The following FGGY variants were observed in gnomAD, a reference collection of about 807,000 sequenced individuals.
FGGY encodes the protein FGGY carbohydrate kinase domain-containing protein.
A neutral mutation model predicts 71.3 loss-of-function variants in FGGY; 72 were observed. The observed-to-expected ratio is 1.01, with a 90% CI of 0.84 to 1.23. The LOEUF is 1.23. Ranked by LOEUF, FGGY falls within the 50% of genes most tolerant of loss-of-function variation. FGGY has a pLI of 0.00. For synonymous variants in FGGY, 251 were observed against 250.3 expected (o/e 1.00, Z -0.02); for missense variants, 668 against 682.3 (o/e 0.98, Z 0.23).
Position 59,371,415 on chromosome 1 carries a change from T to G in FGGY, c.466-7334T>G, listed in dbSNP as rs555583663. On this transcript the variant is annotated intron_variant, in intron 4 of 15. Coordinates refer to ENST00000303721, the MANE Select transcript of FGGY (RefSeq NM_018291.5). ...CACCCAGATTCATAAAGCAAGTCCTTAGAGAACTACAAAGAGACTTAGACT... is the reference window on the plus strand; with the variant it reads ...CACCCAGATTCATAAAGCAAGTCCTGAGAGAACTACAAAGAGACTTAGACT... Among the ~76,000 whole-genome samples, 1,168 of 151,640 alleles carry G rather than the reference T, an allele frequency of 7.7e-3. 18 individuals are homozygous for G. The highest frequency in any genetic ancestry group is 0.027 in the African/African-American group (1,100 of 40,960).
intron 8 of FGGY, among the ~76,000 whole-genome samples, chr1:59,600,724 A>G (rs1308263276): frequency 2.6e-5 from 4 of 152,282 alleles, no homozygotes; most frequent in Admixed American, 2.6e-4. Flanking sequence ...CTCTGTGGTT[A>G]ATGAGATGAT....
chr1:59,312,511 A>C (rs1308755869), intron 1 of FGGY, among the ~76,000 whole-genome samples: 1 of 152,226 alleles, frequency 6.6e-6, no homozygotes, highest in Non-Finnish European at 1.5e-5. Context: ...ATAAACAAGT[A>C]AATGTGCTTT....
At chr1:59,627,306 A>G (rs946492093) in intron 10 of FGGY, among the ~76,000 whole-genome samples, 1 of 151,696 alleles carries the variant, frequency 6.6e-6, no homozygotes, top group Non-Finnish European at 1.5e-5. Context: ...ATAGGTGTAT[A>G]TGTTAGCTAT....
intron 1 of FGGY, chr1:59,309,890 G>GAATT (rs1259399820): frequency 1.3e-5 from 2 of 150,650 alleles, no homozygotes; most frequent in East Asian, 3.9e-4. Context: ...TGAGGCAAGA[G>GAATT]AATTGCTTGA....
chr1:59,483,661 G>A (rs2093572379), intron 6 of FGGY, among the ~76,000 whole-genome samples: 2 of 152,172 alleles, frequency 1.3e-5, no homozygotes, highest in East Asian at 1.9e-4. Flanking sequence ...ACCAACCTAA[G>A]CATTTCCTTC....
chr1:59,438,959 A>G (rs554800840), intron 5 of FGGY, among the ~76,000 whole-genome samples: 6 of 152,226 alleles, frequency 3.9e-5, no homozygotes, highest in African/African-American at 1.4e-4. Flanking sequence ...CTTTGTCTAT[A>G]ATGTTTATAA....
At chr1:59,752,410 A>T (rs2098253451) in intron 14 of FGGY, among the ~76,000 whole-genome samples, 1 of 152,012 alleles carries the variant, frequency 6.6e-6, no homozygotes, top group East Asian at 1.9e-4. Context: ...ATAGATGGTG[A>T]CTCTGGAATT....
chr1:59,563,080 C>T (rs2095818454), intron 8 of FGGY, among the ~76,000 whole-genome samples: 1 of 152,168 alleles, frequency 6.6e-6, no homozygotes. Flanking sequence ...TATTTGAATA[C>T]CCTTTATTTC....
chr1:59,573,475 C>A (rs562211362), intron 8 of FGGY, among the ~76,000 whole-genome samples: 48 of 151,942 alleles, frequency 3.2e-4, no homozygotes, highest in African/African-American at 1.2e-3. Flanking sequence ...CATATATATA[C>A]ACACATGTAT....
chr1:59,374,205 A>G (rs1413979204), intron 4 of FGGY, among the ~76,000 whole-genome samples: 1 of 152,226 alleles, frequency 6.6e-6, no homozygotes, highest in African/African-American at 2.4e-5. Flanking sequence ...ACAAATTTAC[A>G]AGAAAAAAAC....
At chr1:59,355,757 T>C (rs78007317) in intron 4 of FGGY, among the ~76,000 whole-genome samples, 97 of 152,092 alleles carry the variant, frequency 6.4e-4, no homozygotes, top group African/African-American at 2.3e-3. Context: ...GCCCAGATTC[T>C]CACCTAGTCC....
intron 8 of FGGY, among the ~76,000 whole-genome samples, chr1:59,561,153 A>G (rs933840924): frequency 8.5e-5 from 13 of 152,306 alleles, no homozygotes; most frequent in Middle Eastern, 3.4e-3. Flanking sequence ...CTCTTTAACA[A>G]GTGACATTGG....
At chr1:59,507,247 GTA>G (rs2094409922) in intron 6 of FGGY, among the ~76,000 whole-genome samples, 1 of 152,228 alleles carries the variant, frequency 6.6e-6, no homozygotes, top group African/African-American at 2.4e-5. Flanking sequence ...GGTGGTTGAA[GTA>G]TGTCTTCTGT....
At chr1:59,717,524 A>G (rs1294591902) in intron 14 of FGGY, among the ~76,000 whole-genome samples, 2 of 152,164 alleles carry the variant, frequency 1.3e-5, no homozygotes, top group African/African-American at 2.4e-5. Flanking sequence ...GTGTGAACCC[A>G]GAAGTGTGAT....
chr1:59,643,303 C>G (rs1343492366), intron 11 of FGGY, among the ~76,000 whole-genome samples: 2 of 152,084 alleles, frequency 1.3e-5, no homozygotes, highest in Non-Finnish European at 2.9e-5. Context: ...GTCCTTCCAT[C>G]TCAGCCTCCC....
chr1:59,513,886 G>T (rs757806088), intron 7 of FGGY, among the ~76,000 whole-genome samples: 10 of 152,136 alleles, frequency 6.6e-5, no homozygotes, highest in Non-Finnish European at 1.0e-4. Flanking sequence ...GAGCAGGATC[G>T]CTCTCATCAA....
At chr1:59,614,450 C>G (rs2096727543) in intron 9 of FGGY, among the ~76,000 whole-genome samples, 1 of 152,110 alleles carries the variant, frequency 6.6e-6, no homozygotes, top group African/African-American at 2.4e-5. Flanking sequence ...ATTCAACAAC[C>G]CCTCATGCTA....
intron 10 of FGGY, among the ~76,000 whole-genome samples, chr1:59,634,080 A>G (rs1186743912): frequency 6.6e-6 from 1 of 152,084 alleles, no homozygotes; most frequent in Non-Finnish European, 1.5e-5. Context: ...AGTAGAATGG[A>G]GCAGGCAGAA....
chr1:59,590,726 C>T (rs2096415727), intron 8 of FGGY, among the ~76,000 whole-genome samples: 1 of 152,128 alleles, frequency 6.6e-6, no homozygotes, highest in Admixed American at 6.6e-5. Flanking sequence ...AGGCCTTTGA[C>T]AAAATTCAAC....
Sources: allele counts gnomAD v4.1 joint callset (sites outside exome capture counted in the v4.1 genomes callset), GRCh38; gene constraint gnomAD v4.1.1; transcripts MANE v1.5; gene names NCBI Gene and HGNC (gene_info 2026-07-23, HGNC 2026-07-21).